Variants in KIAA0930 observed in about 807,000 individuals in gnomAD.
KIAA0930 encodes the protein KIAA0930.
In KIAA0930, 24 loss-of-function variants were observed where a neutral mutation model predicts 43.9. The observed-to-expected ratio is 0.55, with a 90% CI of 0.40 to 0.77. The LOEUF is 0.77. KIAA0930 is among the 30% of genes least tolerant of loss of function. KIAA0930 has a pLI of 0.00. For missense variants in KIAA0930, 461 were observed against 574.2 expected (o/e 0.80, Z 2.02); for synonymous variants, 259 against 216.4 (o/e 1.20, Z -1.73).
chr22:45,210,770 G>C (rs2083686076), intron 2 of KIAA0930, among the ~76,000 whole-genome samples: 1 of 151,816 alleles, frequency 6.6e-6, no homozygotes, highest in Non-Finnish European at 1.5e-5. Flanking sequence ...GCCCGAGTGT[G>C]GCTCTAGTCC....
chr22:45,224,578 T>C (rs1436656937), intron 1 of KIAA0930, among the ~76,000 whole-genome samples: 2 of 152,150 alleles, frequency 1.3e-5, no homozygotes, highest in East Asian at 3.9e-4. Flanking sequence ...TCTCATGCGG[T>C]CCCTGCTGCC....
At chr22:45,208,120 G>A (rs926753752) in intron 2 of KIAA0930, among the ~76,000 whole-genome samples, 3 of 152,138 alleles carry the variant, frequency 2.0e-5, no homozygotes, top group South Asian at 4.1e-4. Context: ...AGGACACTGG[G>A]AGCTGCCCGG....
intron 1 of KIAA0930, chr22:45,213,300 G>A (rs1319843529): frequency 7.7e-7 from 1 of 1,302,256 alleles, no homozygotes; most frequent in Non-Finnish European, 1.0e-6. Context: ...TCAGCCCTCT[G>A]CCCAACAGTG....
chr22:45,231,580 C>T (rs2083853869), intron 1 of KIAA0930, among the ~76,000 whole-genome samples: 1 of 151,840 alleles, frequency 6.6e-6, no homozygotes, highest in Non-Finnish European at 1.5e-5. Context: ...GTCAGATCAA[C>T]CCTAATTCAG....
Position 45,198,066 on chromosome 22 carries a change from C to A in KIAA0930, c.1016-118G>T, listed in dbSNP as rs1322046413. On this transcript the variant is annotated intron_variant, in intron 8 of 9. Coordinates refer to ENST00000336156, the MANE Select transcript of KIAA0930 (RefSeq NM_001009880.2). The stretch of plus-strand genomic sequence containing the variant: ...TCTGCTGAGGCCAGGACGCTCCTTA[C>A]CAACACCCCCACACCAGCACCCACA... 19 of 940,136 alleles carry A rather than the reference C, an allele frequency of 2.0e-5. No homozygotes were observed. In the Admixed American group the frequency reaches 4.3e-4, roughly 21 times the overall value. 58.2% of individuals were successfully genotyped at this position (940,136 alleles called of 1,614,324 possible).
At chr22:45,213,707 G>A (rs1202178481) in intron 1 of KIAA0930, among the ~76,000 whole-genome samples, 1 of 152,224 alleles carries the variant, frequency 6.6e-6, no homozygotes, top group African/African-American at 2.4e-5. Flanking sequence ...GAATAAATTT[G>A]GTCTTTAAAA....
intron 9 of KIAA0930, 33 bp from the exon 10 acceptor site, chr22:45,197,249 G>C (rs1454538163): frequency 1.3e-6 from 2 of 1,544,168 alleles, no homozygotes; most frequent in Admixed American, 2.0e-5. Flanking sequence ...AGGTGAAACA[G>C]TAACCCTCAA....
chr22:45,208,726 T>A (rs1231953933), intron 2 of KIAA0930, among the ~76,000 whole-genome samples: 5 of 152,214 alleles, frequency 3.3e-5, no homozygotes, highest in Admixed American at 6.5e-5. Flanking sequence ...TGTTTTTCTG[T>A]ATAGACGTTA....
chr22:45,208,192 T>C (rs994178466), intron 2 of KIAA0930, among the ~76,000 whole-genome samples: 13 of 152,094 alleles, frequency 8.5e-5, no homozygotes, highest in African/African-American at 2.9e-4. Flanking sequence ...TACACAGCAG[T>C]GAGACCAGAT....
At chr22:45,200,415 C>A (rs1033388791) in intron 7 of KIAA0930, among the ~76,000 whole-genome samples, 2 of 152,198 alleles carry the variant, frequency 1.3e-5, no homozygotes, top group Non-Finnish European at 2.9e-5. Flanking sequence ...GCCTCCAGCT[C>A]CGTGAGACAG....
At chr22:45,212,402 G>A (rs2083703071) in intron 1 of KIAA0930, 1 of 1,565,496 alleles carries the variant, frequency 6.4e-7, no homozygotes, top group Admixed American at 1.8e-5. Context: ...CAGCTTCGGA[G>A]GAAAAGGAAA....
At chr22:45,203,217 G>C (rs762531719) in intron 6 of KIAA0930, 33 bp from the exon 7 acceptor site, 15 of 1,557,332 alleles carry the variant, frequency 9.6e-6, no homozygotes, top group Non-Finnish European at 1.3e-5. Context: ...CTGAGTCAGG[G>C]AGGTGGCGAT....
intron 1 of KIAA0930, among the ~76,000 whole-genome samples, chr22:45,232,194 G>A (rs761040598): frequency 7.9e-5 from 12 of 152,190 alleles, no homozygotes; most frequent in Non-Finnish European, 1.6e-4. Context: ...GCTCAGCACT[G>A]CTGTGAGGAC....
intron 8 of KIAA0930, 37 bp from the exon 9 acceptor site, chr22:45,197,985 A>G (rs752444095): frequency 9.3e-6 from 15 of 1,609,556 alleles, no homozygotes; most frequent in African/African-American, 4.0e-5. Context: ...CCCCCACAGC[A>G]TGGGACGCGG....
chr22:45,216,774 A>G (rs905036358), intron 1 of KIAA0930, among the ~76,000 whole-genome samples: 5 of 151,934 alleles, frequency 3.3e-5, no homozygotes, highest in Admixed American at 3.3e-4. Context: ...CCCACCCTCA[A>G]GCAGAGTGGA....
At chr22:45,234,431 T>G (rs1454134912) in intron 1 of KIAA0930, among the ~76,000 whole-genome samples, 1 of 152,200 alleles carries the variant, frequency 6.6e-6, no homozygotes, top group East Asian at 1.9e-4. Flanking sequence ...GCTGGATCCT[T>G]TCTCAGCTCC....
chr22:45,215,187 C>T (rs551249935), intron 1 of KIAA0930, among the ~76,000 whole-genome samples: 2 of 152,106 alleles, frequency 1.3e-5, no homozygotes, highest in Non-Finnish European at 2.9e-5. Context: ...CACTGCACTC[C>T]GGCCTGGGAG....
At chr22:45,237,583 G>C (rs560963080) in intron 1 of KIAA0930, among the ~76,000 whole-genome samples, 2 of 152,352 alleles carry the variant, frequency 1.3e-5, no homozygotes, top group Admixed American at 6.5e-5. Flanking sequence ...GCCTCCACCT[G>C]AGGCTCCCTT....
intron 3 of KIAA0930, 34 bp from the exon 4 acceptor site, chr22:45,205,741 G>T: frequency 3.1e-6 from 5 of 1,613,610 alleles, no homozygotes; most frequent in Non-Finnish European, 4.2e-6. Context: ...TGCAGGGAGG[G>T]GTCAGCCATC....
Sources: allele counts gnomAD v4.1 joint callset (sites outside exome capture counted in the v4.1 genomes callset), GRCh38; gene constraint gnomAD v4.1.1; transcripts MANE v1.5; gene names NCBI Gene and HGNC (gene_info 2026-07-23, HGNC 2026-07-21).